Variants in AGAP1 observed in about 807,000 individuals in gnomAD.
The protein encoded by AGAP1 is arf-GAP with GTPase, ANK repeat and PH domain-containing protein 1.
Under a neutral mutation model 105.3 loss-of-function variants are expected in AGAP1, and 29 were observed. The observed-to-expected ratio is 0.28, with a 90% confidence interval of 0.21 to 0.38. The LOEUF (loss-of-function observed/expected upper bound fraction) is 0.38. Among genes scored for constraint, AGAP1 ranks in the 10% least tolerant of loss-of-function variants. The pLI is 1.00. For missense variants in AGAP1, 998 were observed against 1,165.1 expected, an observed-to-expected ratio of 0.86 and a Z score of 2.09; for synonymous variants, 509 against 485.9, an observed-to-expected ratio of 1.05 and a Z score of -0.63.
In AGAP1 at chr2:235,845,688, A is replaced by C. The variant is rs1208841193; in HGVS notation, c.1051-37657A>C. ...CTTTGCCTCTCGGTGACATCCACGG[A>C]GTCACCCAAGTCACCAGCCGGGACT... On this transcript the variant is annotated intron_variant, in intron 9 of 17. Coordinates refer to ENST00000304032, the MANE Select transcript of AGAP1 (RefSeq NM_001037131.3). This position sits in a 1 kb window ranked among gnomAD's most constrained non-coding sequence, Gnocchi z 4.8. Among the ~76,000 whole-genome samples the C allele has an allele frequency of 6.6e-6, 1 of 151,374 alleles. No homozygotes were observed. The highest frequency in any genetic ancestry group is 2.4e-5 in the African/African-American group (1 of 41,154).
At chr2:235,602,853 C>T (rs906943454) in intron 1 of AGAP1, among the ~76,000 whole-genome samples, 7 of 152,184 alleles carry the variant, frequency 4.6e-5, no homozygotes. Context: ...AAGCACTTGC[C>T]ACCACGCCTG....
At chr2:235,694,834 C>T (rs1057172599) in intron 1 of AGAP1, among the ~76,000 whole-genome samples, 1 of 152,068 alleles carries the variant, frequency 6.6e-6, no homozygotes, top group Non-Finnish European at 1.5e-5. Context: ...AGGAAGCAAA[C>T]GCGTCTCAGA....
Position 235,967,858 on chromosome 2 carries a change from A to G in AGAP1, c.1484-604A>G, listed in dbSNP as rs914679554. The stretch of plus-strand genomic sequence containing the variant: ...TTTGAAACTGTTCTAAGTAGCTTCA[A>G]TGAATCAAAAATTGGCAGGCCTACT... On this transcript the variant is annotated intron_variant, in intron 12 of 17. Transcript: ENST00000304032. The surrounding 1 kb of genome is among the most constrained non-coding windows in gnomAD (Gnocchi z 4.7). Among the ~76,000 whole-genome samples, 5 of 152,234 alleles carry G rather than the reference A, an allele frequency of 3.3e-5. No individual in the cohort carries two copies. Among genetic ancestry groups the G allele is most frequent in the Admixed American group, 6.5e-5 (1 of 15,284 alleles).
chr2:236,022,604 C>G (rs975250331), intron 13 of AGAP1, among the ~76,000 whole-genome samples: 46 of 152,088 alleles, frequency 3.0e-4, no homozygotes, highest in Non-Finnish European at 4.4e-5. Context: ...GCACAGTCTC[C>G]GCTCACTGCA....
At chr2:235,540,404 C>T (rs958066574) in intron 1 of AGAP1, among the ~76,000 whole-genome samples, 2 of 152,152 alleles carry the variant, frequency 1.3e-5, no homozygotes, top group South Asian at 2.1e-4. Flanking sequence ...CCAACTGCCT[C>T]GGCCTCCCAA....
rs57353970 is a variant in AGAP1 at position 236,076,719 on chromosome 2, A to G, written c.2114+27438A>G. Among the ~76,000 whole-genome samples, 1,253 of 152,326 alleles carry G rather than the reference A, an allele frequency of 8.2e-3. 15 individuals carry two copies. The highest frequency in any genetic ancestry group is 0.028 in the African/African-American group (1,168 of 41,578). On this transcript the variant is annotated intron_variant, in intron 16 of 17. Transcript: ENST00000304032. The surrounding 1 kb of genome is among the most constrained non-coding windows in gnomAD (Gnocchi z 4.4). The stretch of plus-strand genomic sequence containing the variant: ...CCAAACCACTAAAGAGGGAAGCCCC[A>G]GCGCTATGAGCATACCTGGCAACAG...
At chr2:236,063,354 G>A (rs2058259424) in intron 16 of AGAP1, among the ~76,000 whole-genome samples, 1 of 152,168 alleles carries the variant, frequency 6.6e-6, no homozygotes, top group Non-Finnish European at 1.5e-5. Flanking sequence ...ACCTCCCAAA[G>A]TGCTGGGATT....
intron 1 of AGAP1, among the ~76,000 whole-genome samples, chr2:235,648,598 G>T (rs1947469722): frequency 6.6e-6 from 1 of 152,016 alleles, no homozygotes; most frequent in Non-Finnish European, 1.5e-5. Flanking sequence ...ATGTGGCCGG[G>T]CGCGGTGGCT....
rs1944799408 is a variant in AGAP1, at chr2:235,578,124, C to A, written c.163+83275C>A. On this transcript the variant is annotated intron_variant, in intron 1 of 17. Coordinates refer to ENST00000304032, the MANE Select transcript of AGAP1 (RefSeq NM_001037131.3). The surrounding 1 kb of genome is among the most constrained non-coding windows in gnomAD (Gnocchi z 4.9). ...GAGACAAGAGTTCCAGGGCGAGCCT[C>A]AGTTCTGGGACCACCATTGACCAGT... is the stretch of plus-strand genomic sequence containing the variant. Among the ~76,000 whole-genome samples the A allele has an allele frequency of 6.6e-6, 1 of 152,136 alleles. No individual in the cohort carries two copies. Among genetic ancestry groups the A allele is most frequent in the South Asian group, 2.1e-4 (1 of 4,828 alleles).
chr2:235,828,703 C>T (rs1326683570), intron 9 of AGAP1, among the ~76,000 whole-genome samples: 8 of 152,174 alleles, frequency 5.3e-5, no homozygotes, highest in East Asian at 3.9e-4. Flanking sequence ...CAGAAGCTTT[C>T]GCTCACCCAG....
intron 1 of AGAP1, among the ~76,000 whole-genome samples, chr2:235,627,619 G>T (rs142886917): frequency 6.6e-6 from 1 of 152,254 alleles, no homozygotes; most frequent in African/African-American, 2.4e-5. Flanking sequence ...TTATTTTGTG[G>T]TGTGAGGTGA....
At position 236,001,819 on chromosome 2, in the gene AGAP1, C is replaced by T. The variant is rs1309926513; in HGVS notation, c.1645+33196C>T. Among the ~76,000 whole-genome samples, 1 of 152,224 alleles carries T rather than the reference C, an allele frequency of 6.6e-6. No individual in the cohort carries two copies. The highest frequency in any genetic ancestry group is 2.4e-5 in the African/African-American group (1 of 41,462). On this transcript the variant is annotated intron_variant, in intron 13 of 17. Coordinates refer to ENST00000304032, the MANE Select transcript of AGAP1 (RefSeq NM_001037131.3). The surrounding 1 kb of genome is among the most constrained non-coding windows in gnomAD (Gnocchi z 4.7). ...AGGCCACAGGGCACTGCGTGGAATG[C>T]GTGGTCTCTAATAGGTTATGCCAGC...
chr2:236,069,787 T>C (rs2058450337), intron 16 of AGAP1, among the ~76,000 whole-genome samples: 1 of 152,270 alleles, frequency 6.6e-6, no homozygotes, highest in Admixed American at 6.5e-5. Context: ...TGTTAAAATA[T>C]TGTGTACCCC....
At chr2:236,031,686 AG>A (rs2057228972) in intron 13 of AGAP1, among the ~76,000 whole-genome samples, 1 of 152,128 alleles carries the variant, frequency 6.6e-6, no homozygotes. Context: ...GATAGTTGTG[AG>A]GGGGACAGAA....
chr2:235,656,545 G>A (rs1210369173), intron 1 of AGAP1, among the ~76,000 whole-genome samples: 1 of 152,026 alleles, frequency 6.6e-6, no homozygotes, highest in Non-Finnish European at 1.5e-5. Context: ...TCTCCACCCT[G>A]CATAACCATT....
intron 10 of AGAP1, among the ~76,000 whole-genome samples, chr2:235,899,489 G>A (rs55752110): frequency 0.013 from 1,924 of 152,296 alleles, 39 homozygotes; most frequent in African/African-American, 0.044. Flanking sequence ...CTCCAGCCTG[G>A]GCAACAAGAG....
intron 6 of AGAP1, among the ~76,000 whole-genome samples, chr2:235,785,768 C>G (rs953480126): frequency 3.9e-5 from 6 of 152,160 alleles, no homozygotes; most frequent in Admixed American, 1.3e-4. Context: ...CTTTGCCAGT[C>G]ACTTTTTCTG....
chr2:235,835,062 C>T (rs757747263), intron 9 of AGAP1, among the ~76,000 whole-genome samples: 1 of 152,218 alleles, frequency 6.6e-6, no homozygotes, highest in Non-Finnish European at 1.5e-5. Context: ...CTCACACCTC[C>T]CCCGTTCCCG....
At chr2:235,648,741 G>C (rs142493950) in intron 1 of AGAP1, among the ~76,000 whole-genome samples, 5,911 of 149,626 alleles carry the variant, frequency 0.04, 329 homozygotes, top group African/African-American at 0.13. Flanking sequence ...AAAAACATTA[G>C]CTGGGCATGG....
Sources: gnomAD v4.1 joint callset for allele counts (sites outside exome capture counted in the v4.1 genomes callset) on GRCh38, gnomAD v4.1.1 for gene constraint, Gnocchi (gnomAD v3.1) non-coding constraint, MANE v1.5 for transcripts, NCBI Gene and HGNC (gene_info 2026-07-23, HGNC 2026-07-21) for gene names.